The following PSMA2 variants were observed in gnomAD, a reference collection of about 807,000 sequenced individuals.
PSMA2 encodes the protein proteasome subunit alpha type-2.
PSMA2 carries 2 observed loss-of-function variants against 35.9 expected under a neutral mutation model. The observed-to-expected ratio is 0.06, with a 90% CI of 0.02 to 0.18. The LOEUF (loss-of-function observed/expected upper bound fraction) is 0.18. Among genes scored for constraint, PSMA2 ranks in the 10% least tolerant of loss-of-function variants. The pLI, the probability that PSMA2 is intolerant of heterozygous loss-of-function variation, is 1.00. For synonymous variants in PSMA2, 97 were observed against 98.2 expected (o/e 0.99, Z 0.07); for missense variants, 126 against 278.8 (o/e 0.45, Z 3.90).
At chr7:42,923,618 T>A (rs950944924) in intron 4 of PSMA2, among the ~76,000 whole-genome samples, 2 of 152,212 alleles carry the variant, frequency 1.3e-5, no homozygotes, top group Non-Finnish European at 2.9e-5. Flanking sequence ...TAAAAAAAAA[T>A]TTGAATTGAA....
At chr7:42,920,863 A>C (rs1786117404) in intron 6 of PSMA2, 1 of 152,218 alleles carries the variant, frequency 6.6e-6, no homozygotes, top group Admixed American at 6.5e-5. Flanking sequence ...ACATGGATGG[A>C]ACTCGAGGTC....
At chr7:42,919,255 G>A (rs1583604974) in intron 6 of PSMA2, 6 of 616,374 alleles carry the variant, frequency 9.7e-6, no homozygotes, top group Middle Eastern at 3.6e-4. Context: ...ACTGAATAAG[G>A]ATGCCACCAA....
At chr7:42,922,830 C>T (rs112243794) in intron 5 of PSMA2, among the ~76,000 whole-genome samples, 3 of 152,264 alleles carry the variant, frequency 2.0e-5, no homozygotes, top group African/African-American at 7.2e-5. Context: ...CCATTACAAA[C>T]ACCTTCTATT....
rs189275680 is a variant in PSMA2 at position 42,929,705 on chromosome 7, C to A, written c.42-2246G>T. ...GATTTTGTAATAACTTCTTTGTTCACGTAAAATAAAATCTCCTTCTCTGGC... is the reference window on the plus strand; with the variant it reads ...GATTTTGTAATAACTTCTTTGTTCAAGTAAAATAAAATCTCCTTCTCTGGC... On this transcript the variant is annotated intron_variant, in intron 1 of 7. Transcript: ENST00000223321. Among the ~76,000 whole-genome samples the A allele has an allele frequency of 6.6e-5, 10 of 152,294 alleles. No individual in the cohort carries two copies. In the East Asian group the frequency reaches 1.9e-3, roughly 29 times the overall value.
intron 1 of PSMA2, among the ~76,000 whole-genome samples, chr7:42,929,678 T>TA (rs1237179436): frequency 4.6e-5 from 7 of 152,230 alleles, no homozygotes; most frequent in Admixed American, 1.3e-4. Context: ...CACCTACACT[T>TA]AGATTTTGTA....
At chr7:42,920,654 T>TG (rs1786113024) in intron 6 of PSMA2, 1 of 152,194 alleles carries the variant, frequency 6.6e-6, no homozygotes, top group Non-Finnish European at 1.5e-5. Flanking sequence ...TTTGGAAGAC[T>TG]CATTAATATA....
chr7:42,917,430 A>C lies in PSMA2; in HGVS notation c.*144T>G. ...TGGAAGGTGGGTTTAACAGTTTATT[A>C]GGATTTATAAGTGTCATTTTAAAAA... On this transcript the variant is annotated 3_prime_UTR_variant, in exon 8 of 8. Coordinates refer to ENST00000223321, the MANE Select transcript of PSMA2 (RefSeq NM_002787.5). The C allele has an allele frequency of 1.6e-6, 1 of 628,282 alleles. No homozygotes were observed. The highest frequency in any genetic ancestry group is 2.7e-6 in the Non-Finnish European group (1 of 367,198). The allele number at this position is 628,282 out of a possible 1,614,324, so 38.9% of individuals were successfully genotyped here.
intron 5 of PSMA2, among the ~76,000 whole-genome samples, 168 bp from the exon 6 acceptor site, chr7:42,922,099 A>C (rs1030145391): frequency 1.8e-4 from 27 of 152,302 alleles, no homozygotes; most frequent in African/African-American, 6.3e-4. Context: ...AGAAGGCTAG[A>C]AGGATGGAAA....
At chr7:42,925,374 C>A (rs1004671653) in intron 3 of PSMA2, among the ~76,000 whole-genome samples, 12 of 152,172 alleles carry the variant, frequency 7.9e-5, no homozygotes, top group African/African-American at 2.9e-4. Context: ...GAGTTTCAGA[C>A]CTGCCTGGGC....
intron 6 of PSMA2, 156 bp from the exon 7 acceptor site, chr7:42,917,991 G>T: frequency 2.0e-6 from 1 of 498,816 alleles, no homozygotes; most frequent in East Asian, 3.3e-5. Context: ...GCTGTCTCCA[G>T]ATTAAAAAAA....
At position 42,926,502 on chromosome 7, in the gene PSMA2, G is replaced by A. The variant is rs369186052; in HGVS notation, c.251+34C>T. 4.9e-5 allele frequency: 75 copies of A among 1,517,140 alleles called. No individual in the cohort carries two copies. In the East Asian group the frequency reaches 1.3e-3, roughly 25 times the overall value. The allele number at this position is 1,517,140 out of a possible 1,614,324, so 94.0% of individuals were successfully genotyped here. A position where few individuals can be genotyped will look rare whatever the true frequency, so the allele number is the denominator to read the frequency against. On this transcript the variant is annotated intron_variant, in intron 3 of 7. Coordinates refer to ENST00000223321, the MANE Select transcript of PSMA2 (RefSeq NM_002787.5). The stretch of plus-strand genomic sequence containing the variant: ...AATACAGATTACAATCAATTCATGA[G>A]ATGGTGAGAAACACTATAAAAAGTA...
At chr7:42,919,753 T>A in intron 6 of PSMA2, 1 of 625,980 alleles carries the variant, frequency 1.6e-6, no homozygotes, top group Non-Finnish European at 3.0e-6. Flanking sequence ...TGAGAAAGAA[T>A]TTCTTGTTGC....
intron 5 of PSMA2, 74 bp downstream of exon 5, chr7:42,923,251 T>C: frequency 8.7e-7 from 1 of 1,147,094 alleles, no homozygotes; most frequent in South Asian, 1.4e-5. Context: ...GTAAAGTTTT[T>C]ATGGCTTCTA....
intron 6 of PSMA2, chr7:42,920,243 A>C: frequency 4.0e-6 from 1 of 250,998 alleles, no homozygotes. Context: ...AACAACTAAC[A>C]TGGTGTTACC....
intron 6 of PSMA2, chr7:42,920,226 T>C (rs1045651844): frequency 1.4e-5 from 4 of 279,984 alleles, no homozygotes; most frequent in East Asian, 8.6e-5. Context: ...ATTAGCTCCA[T>C]TGCTGAAACA....
intron 1 of PSMA2, among the ~76,000 whole-genome samples, chr7:42,929,859 C>T (rs1786269501): frequency 6.6e-6 from 1 of 152,172 alleles, no homozygotes; most frequent in Non-Finnish European, 1.5e-5. Flanking sequence ...ACATGCTGTT[C>T]CCTCTGTCTA....
At chr7:42,929,780 C>T (rs1786268293) in intron 1 of PSMA2, among the ~76,000 whole-genome samples, 1 of 152,214 alleles carries the variant, frequency 6.6e-6, no homozygotes, top group Admixed American at 6.5e-5. Flanking sequence ...TCCTTGCTCA[C>T]TATAGCACAT....
At chr7:42,917,980 A>T in intron 6 of PSMA2, 145 bp from the exon 7 acceptor site, 1 of 550,750 alleles carries the variant, frequency 1.8e-6, no homozygotes, top group South Asian at 3.1e-5. Flanking sequence ...ACCTCCTTGT[A>T]GCTGTCTCCA....
At chr7:42,925,759 TC>T (rs761760244) in intron 3 of PSMA2, among the ~76,000 whole-genome samples, 14 of 152,192 alleles carry the variant, frequency 9.2e-5, no homozygotes, top group Non-Finnish European at 1.3e-4. Context: ...CCTCAGTTTA[TC>T]CTATCAGTGG....
Sources: allele counts gnomAD v4.1 joint callset (sites outside exome capture counted in the v4.1 genomes callset), GRCh38; gene constraint gnomAD v4.1.1; transcripts MANE v1.5; gene names NCBI Gene and HGNC (gene_info 2026-07-23, HGNC 2026-07-21).